Variants in TGFB2 observed in about 807,000 individuals in gnomAD.
The protein encoded by TGFB2 is transforming growth factor beta 2, also known as transforming growth factor beta-2 proprotein.
A neutral mutation model predicts 42.7 loss-of-function variants in TGFB2; 13 were observed. The ratio of observed to expected loss-of-function variants is 0.30; its 90% confidence interval spans 0.20 to 0.48. The LOEUF (loss-of-function observed/expected upper bound fraction) is 0.48. Ranked by LOEUF, TGFB2 falls within the 20% of genes least tolerant of loss-of-function variation. The pLI, the probability that TGFB2 is intolerant of heterozygous loss-of-function variation, is 0.99. For missense variants in TGFB2, 390 were observed against 517.5 expected, an observed-to-expected ratio of 0.75 and a Z score of 2.39; for synonymous variants, 193 against 193.6, an observed-to-expected ratio of 1.00 and a Z score of 0.03.
At chr1:218,401,847 A>C (rs1558246434) in intron 1 of TGFB2, among the ~76,000 whole-genome samples, 1 of 152,318 alleles carries the variant, frequency 6.6e-6, no homozygotes, top group South Asian at 2.1e-4. Flanking sequence ...CTGGGCATCA[A>C]GGGGCCTTTT....
At chr1:218,372,375 G>A (rs545521713) in intron 1 of TGFB2, among the ~76,000 whole-genome samples, 25 of 152,284 alleles carry the variant, frequency 1.6e-4, no homozygotes, top group African/African-American at 5.8e-4. Flanking sequence ...GCTCTGAAGT[G>A]GAGCTGACTT....
intron 2 of TGFB2, among the ~76,000 whole-genome samples, chr1:218,406,875 G>GACAA (rs1658931068): frequency 6.6e-6 from 1 of 152,152 alleles, no homozygotes; most frequent in South Asian, 2.1e-4. Context: ...GTGATAAGGG[G>GACAA]TATATATGTG....
chr1:218,395,552 C>T (rs558434862), intron 1 of TGFB2, among the ~76,000 whole-genome samples: 3 of 151,986 alleles, frequency 2.0e-5, no homozygotes, highest in South Asian at 2.1e-4. Flanking sequence ...AGCCTCACTT[C>T]GACTTTAGCC....
intron 1 of TGFB2, among the ~76,000 whole-genome samples, chr1:218,368,249 A>G (rs974017395): frequency 6.6e-6 from 1 of 152,034 alleles, no homozygotes; most frequent in Non-Finnish European, 1.5e-5. Flanking sequence ...GGTTCAAGCA[A>G]TTCTCCTGCC....
intron 1 of TGFB2, among the ~76,000 whole-genome samples, chr1:218,382,181 C>T (rs930900184): frequency 3.9e-5 from 6 of 152,160 alleles, no homozygotes; most frequent in African/African-American, 1.4e-4. Flanking sequence ...ACATCCCCCT[C>T]CCCACCTCCT....
intron 1 of TGFB2, among the ~76,000 whole-genome samples, chr1:218,389,863 T>C (rs1258049080): frequency 6.6e-6 from 1 of 152,190 alleles, no homozygotes; most frequent in Non-Finnish European, 1.5e-5. Context: ...ATGTGAGAAA[T>C]AAACATCTTC....
chr1:218,419,166 C>G (rs1176974980), intron 2 of TGFB2, among the ~76,000 whole-genome samples: 1 of 152,068 alleles, frequency 6.6e-6, no homozygotes, highest in Admixed American at 6.6e-5. Flanking sequence ...TCCTTAGTCA[C>G]CCACCCCTCA....
At position 218,440,794 on chromosome 1, in the gene TGFB2, C is replaced by G. The variant is rs527967744; in HGVS notation, c.1087-410C>G. 3.2e-4 allele frequency among the ~76,000 whole-genome samples: 48 copies of G among 152,250 alleles called. No homozygotes were observed. The South Asian group carries it at 9.3e-3, about 30-fold the overall frequency. On this transcript the variant is annotated intron_variant, in intron 6 of 6. Coordinates refer to ENST00000366930, the MANE Select transcript of TGFB2 (RefSeq NM_003238.6). ...TCTAGATGGGATTGAAATGTATACT[C>G]AAGAAACAACTTCATTTACAGAGTA...
At chr1:218,422,573 C>T (rs367956221) in intron 2 of TGFB2, among the ~76,000 whole-genome samples, 18 of 152,208 alleles carry the variant, frequency 1.2e-4, no homozygotes, top group African/African-American at 3.9e-4. Context: ...ACTGTGTTCT[C>T]TTAGTGCTGG....
At chr1:218,412,907 T>C (rs1476349298) in intron 2 of TGFB2, among the ~76,000 whole-genome samples, 1 of 152,156 alleles carries the variant, frequency 6.6e-6, no homozygotes, top group East Asian at 1.9e-4. Context: ...ATGTATTAGG[T>C]TCATACATCT....
intron 2 of TGFB2, among the ~76,000 whole-genome samples, chr1:218,415,694 CAAAAG>C (rs1469488200): frequency 7.0e-4 from 28 of 40,130 alleles, no homozygotes; most frequent in East Asian, 1.7e-3. Flanking sequence ...GACTCTGTCT[CAAAAG>C]AAAAAAAAAA....
At chr1:218,391,177 T>A (rs994508446) in intron 1 of TGFB2, among the ~76,000 whole-genome samples, 6 of 152,218 alleles carry the variant, frequency 3.9e-5, no homozygotes, top group Non-Finnish European at 1.5e-5. Context: ...TGGGCTAAGG[T>A]GGGTTCCAGA....
intron 1 of TGFB2, among the ~76,000 whole-genome samples, chr1:218,360,944 T>C (rs1202796480): frequency 6.6e-6 from 1 of 152,198 alleles, no homozygotes; most frequent in African/African-American, 2.4e-5. Context: ...AACCTCCGCC[T>C]CCTGGGTTCA....
intron 1 of TGFB2, among the ~76,000 whole-genome samples, chr1:218,351,088 A>G (rs1656853822): frequency 6.6e-6 from 1 of 152,232 alleles, no homozygotes; most frequent in East Asian, 1.9e-4. Context: ...TAAATTGTGG[A>G]ATGTAGAATG....
Position 218,443,094 on chromosome 1 carries a change from A to T in TGFB2, c.*1732A>T, listed in dbSNP as rs1660209617. On this transcript the variant is annotated 3_prime_UTR_variant, in exon 7 of 7. Coordinates refer to ENST00000366930, the MANE Select transcript of TGFB2 (RefSeq NM_003238.6). Reference sequence around the variant, plus strand: ...ATTTCACTGAAGTTATAAGGTTTTTATAAATGTTCTTTGAAGGGGAAAAGG... The same window carrying T: ...ATTTCACTGAAGTTATAAGGTTTTTTTAAATGTTCTTTGAAGGGGAAAAGG... The T allele has an allele frequency of 6.6e-6, 1 of 152,216 alleles. No homozygotes were observed. The allele number at this position is 152,216 out of a possible 1,614,324, so 9.4% of individuals were successfully genotyped here.
At chr1:218,372,031 A>G (rs1657588873) in intron 1 of TGFB2, among the ~76,000 whole-genome samples, 1 of 152,064 alleles carries the variant, frequency 6.6e-6, no homozygotes, top group Non-Finnish European at 1.5e-5. Context: ...ATCTGCTCTG[A>G]CCGTCCCTGA....
rs150911623 is a variant in TGFB2 at position 218,361,950 on chromosome 1, G to A, written c.346+14903G>A. Among the ~76,000 whole-genome samples the A allele has an allele frequency of 2.1e-3, 327 of 152,304 alleles. 2 individuals carry two copies. Among genetic ancestry groups the A allele is most frequent in the African/African-American group, 7.6e-3 (315 of 41,562 alleles). The stretch of plus-strand genomic sequence containing the variant: ...TGTGCTTATAGAATCCCCGCTGTTG[G>A]GTCTTCGTCTTCCATGCCACACTGG... On this transcript the variant is annotated intron_variant, in intron 1 of 6. Transcript: ENST00000366930.
chr1:218,353,243 C>T (rs1656923671), intron 1 of TGFB2, among the ~76,000 whole-genome samples: 1 of 152,166 alleles, frequency 6.6e-6, no homozygotes, highest in South Asian at 2.1e-4. Context: ...GCGATAGTTC[C>T]ACTCAGTGGA....
chr1:218,346,589 A>T lies in TGFB2; in HGVS notation c.-113A>T. The T allele has an allele frequency of 1.0e-6, 1 of 963,548 alleles. No homozygotes were observed. The highest frequency in any genetic ancestry group is 1.5e-6 in the Non-Finnish European group (1 of 670,816). 59.7% of individuals were successfully genotyped at this position (963,548 alleles called of 1,614,324 possible). A position where few individuals can be genotyped will look rare whatever the true frequency, so the allele number is the denominator to read the frequency against. On this transcript the variant is annotated 5_prime_UTR_variant, in exon 1 of 7. Transcript: ENST00000366930. The surrounding 1 kb of genome is among the most constrained non-coding windows in gnomAD (Gnocchi z 4.9). ...TGTTTGCAAAAGTTTCGCATCAAAA[A>T]CAACAACAACAAAAAACCAAACAAC... is the stretch of plus-strand genomic sequence containing the variant.
Sources: allele counts gnomAD v4.1 joint callset (sites outside exome capture counted in the v4.1 genomes callset), GRCh38; gene constraint gnomAD v4.1.1; non-coding constraint Gnocchi (gnomAD v3.1); transcripts MANE v1.5; gene names NCBI Gene and HGNC (gene_info 2026-07-23, HGNC 2026-07-21).